Variants in BLTP3A observed in about 807,000 individuals in gnomAD.
BLTP3A encodes the protein bridge-like lipid transfer protein family member 3A, also known as ICBP90 binding protein 1.
chr6:34,858,306 C>G, the BLTP3A span: 1 of 1,614,200 alleles, frequency 6.2e-7, no homozygotes, highest in Non-Finnish European at 8.5e-7. Flanking sequence ...ATTATGATCA[C>G]TTTCCTAAGG....
chr6:34,826,880 A>G, the BLTP3A span, among the ~76,000 whole-genome samples: 2 of 152,210 alleles, frequency 1.3e-5, no homozygotes, highest in African/African-American at 4.8e-5. Flanking sequence ...CTGAACTCAG[A>G]CATCTCTCCA....
At chr6:34,860,968 C>G in the BLTP3A span, among the ~76,000 whole-genome samples, 3 of 152,164 alleles carry the variant, frequency 2.0e-5, no homozygotes, top group Admixed American at 6.5e-5. Context: ...TGGTAGTTAA[C>G]ATTGCTGATC....
the BLTP3A span, among the ~76,000 whole-genome samples, chr6:34,826,115 G>T: frequency 7.3e-6 from 1 of 137,420 alleles, no homozygotes; most frequent in Non-Finnish European, 1.5e-5. Flanking sequence ...TGCAACCACC[G>T]CTTCCTGGGT....
At chr6:34,836,358 G>A in the BLTP3A span, 3 of 1,612,800 alleles carry the variant, frequency 1.9e-6, no homozygotes, top group Non-Finnish European at 2.5e-6. Context: ...GGTACCCCAT[G>A]AGGCCTGAGC....
At chr6:34,849,324 GT>G in the BLTP3A span, among the ~76,000 whole-genome samples, 127 of 147,108 alleles carry the variant, frequency 8.6e-4, no homozygotes, top group African/African-American at 2.4e-3. Flanking sequence ...TGCCCAGCCA[GT>G]TTTTTTTTTT....
At chr6:34,810,283 A>G in the BLTP3A span, among the ~76,000 whole-genome samples, 1,185 of 152,302 alleles carry the variant, frequency 7.8e-3, 15 homozygotes, top group African/African-American at 0.025. Context: ...TGAATAGTAC[A>G]CAAGAAACAC....
At chr6:34,824,990 G>A in the BLTP3A span, among the ~76,000 whole-genome samples, 2 of 152,156 alleles carry the variant, frequency 1.3e-5, no homozygotes, top group Admixed American at 6.6e-5. Flanking sequence ...ATTTTTTTAC[G>A]GAACAATATG....
the BLTP3A span, among the ~76,000 whole-genome samples, chr6:34,854,559 A>G: frequency 3.3e-3 from 505 of 152,300 alleles, 4 homozygotes; most frequent in African/African-American, 0.011. Flanking sequence ...GTTAACATAT[A>G]TATTTGTGGT....
At chr6:34,798,594 C>CTTTTT in the BLTP3A span, among the ~76,000 whole-genome samples, 1,496 of 94,392 alleles carry the variant, frequency 0.016, 56 homozygotes, top group African/African-American at 0.065. Flanking sequence ...TTCTTTCTTT[C>CTTTTT]TTTTTTTTTT....
chr6:34,806,150 TATC>T, the BLTP3A span, among the ~76,000 whole-genome samples: 1 of 152,234 alleles, frequency 6.6e-6, no homozygotes, highest in African/African-American at 2.4e-5. Flanking sequence ...ATTTGGCAAT[TATC>T]ATTTATTTGC....
the BLTP3A span, among the ~76,000 whole-genome samples, chr6:34,837,463 T>C: frequency 6.6e-6 from 1 of 152,096 alleles, no homozygotes; most frequent in Non-Finnish European, 1.5e-5. Flanking sequence ...GTGGGAGGAT[T>C]GCTTAAGCCC....
chr6:34,836,897 T>G, the BLTP3A span, among the ~76,000 whole-genome samples: 41 of 152,246 alleles, frequency 2.7e-4, no homozygotes, highest in Non-Finnish European at 1.9e-4. Context: ...TGAAAAAAAC[T>G]AATTGACTGA....
At chr6:34,834,944 G>C in the BLTP3A span, 50 of 1,520,858 alleles carry the variant, frequency 3.3e-5, no homozygotes, top group East Asian at 1.1e-3. Flanking sequence ...TTATTGTTTG[G>C]AATGTTATTG....
At chr6:34,835,829 T>C in the BLTP3A span, among the ~76,000 whole-genome samples, 1 of 152,146 alleles carries the variant, frequency 6.6e-6, no homozygotes, top group Admixed American at 6.5e-5. Context: ...TCTCACTACA[T>C]AGGCTGAAAG....
the BLTP3A span, among the ~76,000 whole-genome samples, chr6:34,844,544 G>A: frequency 1.2e-4 from 19 of 152,252 alleles, no homozygotes; most frequent in South Asian, 1.0e-3. Flanking sequence ...TAAAGTGCTA[G>A]GATTACAGGC....
chr6:34,836,318 A>G, the BLTP3A span: 1 of 1,613,998 alleles, frequency 6.2e-7, no homozygotes, highest in African/African-American at 1.3e-5. Context: ...GGACCTGCAC[A>G]TTTGTGATGA....
At chr6:34,833,920 CAAAAAAAA>C in the BLTP3A span, among the ~76,000 whole-genome samples, 187 of 45,068 alleles carry the variant, frequency 4.1e-3, no homozygotes, top group African/African-American at 0.013. Flanking sequence ...GACTCCGTCT[CAAAAAAAA>C]AAAAAAAAAA....
the BLTP3A span, chr6:34,857,950 A>G: frequency 6.3e-7 from 1 of 1,599,708 alleles, no homozygotes; most frequent in East Asian, 2.2e-5. Context: ...ATCCCCTGTT[A>G]GTAGCCACAG....
At chr6:34,863,654 T>C in the BLTP3A span, among the ~76,000 whole-genome samples, 1 of 152,298 alleles carries the variant, frequency 6.6e-6, no homozygotes, top group Admixed American at 6.5e-5. Context: ...TAAATACTTA[T>C]GGAATGAATG....
Sources: allele counts gnomAD v4.1 joint callset (sites outside exome capture counted in the v4.1 genomes callset), GRCh38; gene constraint gnomAD v4.1.1; transcripts MANE v1.5; gene names NCBI Gene and HGNC (gene_info 2026-07-23, HGNC 2026-07-21).